Variants in KRABD5 observed in about 807,000 individuals in gnomAD.
KRABD5 encodes the protein KRAB domain-containing protein 5.
chr16:31,729,798 A>T, the KRABD5 span, among the ~76,000 whole-genome samples: 20 of 149,556 alleles, frequency 1.3e-4, no homozygotes, highest in South Asian at 3.8e-3. Flanking sequence ...TTTTTCTTGT[A>T]TCTACTACAG....
chr16:31,732,778 T>G, the KRABD5 span, among the ~76,000 whole-genome samples: 2 of 152,316 alleles, frequency 1.3e-5, no homozygotes, highest in East Asian at 1.9e-4. Context: ...TCATTAAAAT[T>G]TTCTCATTAG....
the KRABD5 span, among the ~76,000 whole-genome samples, chr16:31,737,355 C>T: frequency 4.1e-4 from 62 of 152,182 alleles, no homozygotes; most frequent in Non-Finnish European, 8.5e-4. Flanking sequence ...TCTGTAAAGT[C>T]GCAGGATACA....
chr16:31,755,202 G>C, the KRABD5 span: 1 of 473,944 alleles, frequency 2.1e-6, no homozygotes, highest in Non-Finnish European at 4.3e-6. Flanking sequence ...ATTCATACCG[G>C]AGAAAAACTT....
chr16:31,719,539 A>T, the KRABD5 span, among the ~76,000 whole-genome samples: 1 of 152,204 alleles, frequency 6.6e-6, no homozygotes, highest in Non-Finnish European at 1.5e-5. Context: ...CAACATAGAG[A>T]TGGGAAGCCT....
chr16:31,759,196 CATT>C, the KRABD5 span: 1 of 669,008 alleles, frequency 1.5e-6, no homozygotes, highest in Non-Finnish European at 2.4e-6. Context: ...CCAAAATGTC[CATT>C]AATAAGAAAA....
the KRABD5 span, among the ~76,000 whole-genome samples, chr16:31,736,319 C>T: frequency 6.6e-6 from 1 of 151,576 alleles, no homozygotes; most frequent in African/African-American, 2.4e-5. Flanking sequence ...ATTTTGAAGT[C>T]AGGTAGTGTG....
At chr16:31,732,741 T>A in the KRABD5 span, among the ~76,000 whole-genome samples, 1 of 152,150 alleles carries the variant, frequency 6.6e-6, no homozygotes, top group Non-Finnish European at 1.5e-5. Flanking sequence ...GATAAAGAAG[T>A]CTTCCTAGTG....
chr16:31,718,727 T>A, the KRABD5 span, among the ~76,000 whole-genome samples: 1 of 152,192 alleles, frequency 6.6e-6, no homozygotes, highest in Non-Finnish European at 1.5e-5. Flanking sequence ...ACTGGGGCAG[T>A]TCCACTTTGT....
the KRABD5 span, among the ~76,000 whole-genome samples, chr16:31,731,465 G>C: frequency 6.6e-6 from 1 of 152,168 alleles, no homozygotes; most frequent in African/African-American, 2.4e-5. Context: ...GACAGGTGTG[G>C]CTCCTGCGGA....
the KRABD5 span, among the ~76,000 whole-genome samples, chr16:31,714,601 G>A: frequency 6.6e-6 from 1 of 152,324 alleles, no homozygotes; most frequent in East Asian, 1.9e-4. Flanking sequence ...AGAAGCGGGT[G>A]TGTGGAATAA....
At chr16:31,742,359 G>A in the KRABD5 span, among the ~76,000 whole-genome samples, 1 of 152,026 alleles carries the variant, frequency 6.6e-6, no homozygotes, top group African/African-American at 2.4e-5. Flanking sequence ...TCCTCTCTGT[G>A]TCCATGTGTT....
At chr16:31,727,377 G>A in the KRABD5 span, among the ~76,000 whole-genome samples, 2 of 152,232 alleles carry the variant, frequency 1.3e-5, no homozygotes, top group African/African-American at 2.4e-5. Context: ...GTGCAAGATA[G>A]TGGTAGAAGA....
chr16:31,733,236 G>A, the KRABD5 span, among the ~76,000 whole-genome samples: 1 of 151,810 alleles, frequency 6.6e-6, no homozygotes, highest in East Asian at 1.9e-4. Flanking sequence ...TTTCTTAGCT[G>A]TTAATGATTG....
the KRABD5 span, among the ~76,000 whole-genome samples, chr16:31,722,056 A>AGTTTTTT: frequency 1.3e-5 from 2 of 151,904 alleles, no homozygotes; most frequent in Non-Finnish European, 1.5e-5. Flanking sequence ...TTGATGCGTT[A>AGTTTTTT]GTTTTTTGTT....
At chr16:31,750,821 G>C in the KRABD5 span, among the ~76,000 whole-genome samples, 2 of 152,008 alleles carry the variant, frequency 1.3e-5, no homozygotes, top group Non-Finnish European at 2.9e-5. Flanking sequence ...CTATCCCCCA[G>C]GCTGGAGTGC....
At chr16:31,726,553 G>A in the KRABD5 span, among the ~76,000 whole-genome samples, 1 of 152,114 alleles carries the variant, frequency 6.6e-6, no homozygotes, top group African/African-American at 2.4e-5. Context: ...TTGAGGCCAG[G>A]AGTTCAAGAC....
At chr16:31,730,076 C>T in the KRABD5 span, among the ~76,000 whole-genome samples, 8 of 152,180 alleles carry the variant, frequency 5.3e-5, no homozygotes, top group East Asian at 1.9e-4. Flanking sequence ...TTACAATATT[C>T]GAGTATTCTG....
chr16:31,760,689 C>T, the KRABD5 span: 1 of 152,146 alleles, frequency 6.6e-6, no homozygotes, highest in African/African-American at 2.4e-5. Flanking sequence ...GAGGTTATTT[C>T]AGGCACAGTA....
At chr16:31,744,668 C>A in the KRABD5 span, among the ~76,000 whole-genome samples, 1 of 152,160 alleles carries the variant, frequency 6.6e-6, no homozygotes, top group East Asian at 1.9e-4. Context: ...CCCTCCTTTT[C>A]AATTGTTTGG....
Sources: gnomAD v4.1 joint callset for allele counts (sites outside exome capture counted in the v4.1 genomes callset) on GRCh38, gnomAD v4.1.1 for gene constraint, MANE v1.5 for transcripts, NCBI Gene and HGNC (gene_info 2026-07-23, HGNC 2026-07-21) for gene names.